KMT2C: variants seen among roughly 807,000 people sequenced by gnomAD.
KMT2C encodes lysine methyltransferase 2C.
A neutral mutation model predicts 507.9 loss-of-function variants in KMT2C; 88 were observed. That is an observed-to-expected ratio of 0.17 (90% CI 0.15 to 0.21). KMT2C has a LOEUF of 0.21. Among genes scored for constraint, KMT2C ranks in the 10% least tolerant of loss-of-function variants. The pLI is 1.00. For missense variants in KMT2C, 4,954 were observed against 5,957.8 expected (o/e 0.83, Z 5.55); for synonymous variants, 2,049 against 2,080.8 (o/e 0.98, Z 0.42).
intron 1 of KMT2C, among the ~76,000 whole-genome samples, chr7:152,429,516 A>G (rs886637863): frequency 1.3e-5 from 2 of 151,130 alleles, no homozygotes; most frequent in African/African-American, 4.9e-5. Flanking sequence ...AGATTGGTCT[A>G]TTACTTTTTT....
chr7:152,349,174 G>C (rs562573842), intron 2 of KMT2C, among the ~76,000 whole-genome samples: 1 of 152,142 alleles, frequency 6.6e-6, no homozygotes, highest in East Asian at 1.9e-4. Context: ...GGCTGGGCGC[G>C]GTGACTCACG....
intron 3 of KMT2C, among the ~76,000 whole-genome samples, chr7:152,316,912 T>C (rs1292704007): frequency 1.3e-5 from 2 of 152,166 alleles, no homozygotes; most frequent in African/African-American, 4.8e-5. Context: ...GCCAGTATCT[T>C]ACTATCCCCT....
chr7:152,251,335 A>C (rs2095559016), intron 11 of KMT2C, among the ~76,000 whole-genome samples: 1 of 152,194 alleles, frequency 6.6e-6, no homozygotes, highest in Non-Finnish European at 1.5e-5. Flanking sequence ...GGATATTTCA[A>C]AACTAAATAC....
At chr7:152,140,449 G>A (rs1199476975) in intron 55 of KMT2C, among the ~76,000 whole-genome samples, 1 of 152,206 alleles carries the variant, frequency 6.6e-6, no homozygotes, top group African/African-American at 2.4e-5. Flanking sequence ...CCGTGCTGGT[G>A]GCCTGCCAGG....
chr7:152,376,298 A>G (rs2097328454), intron 1 of KMT2C, among the ~76,000 whole-genome samples: 2 of 152,210 alleles, frequency 1.3e-5, no homozygotes, highest in Admixed American at 6.5e-5. Context: ...TAATCCTACA[A>G]TGGCCTCAAA....
chr7:152,431,526 A>T (rs2116793898), intron 1 of KMT2C, among the ~76,000 whole-genome samples: 2 of 152,036 alleles, frequency 1.3e-5, no homozygotes, highest in Admixed American at 1.3e-4. Flanking sequence ...GAATCACTTG[A>T]ACCTGGGAGG....
At chr7:152,435,273 C>T (rs1302316213) in intron 1 of KMT2C, among the ~76,000 whole-genome samples, 1 of 152,040 alleles carries the variant, frequency 6.6e-6, no homozygotes, top group Non-Finnish European at 1.5e-5. Flanking sequence ...TGGGCGCGCT[C>T]CGGGCTTGTT....
chr7:152,152,156 G>A (rs1309413738), intron 49 of KMT2C, among the ~76,000 whole-genome samples: 3 of 152,232 alleles, frequency 2.0e-5, no homozygotes, highest in Admixed American at 6.5e-5. Context: ...GACTGAGCAC[G>A]CCTGTAAGAT....
At chr7:152,224,729 A>G in intron 18 of KMT2C, 113 bp from the exon 19 acceptor site, 7 of 796,938 alleles carry the variant, frequency 8.8e-6, no homozygotes. Context: ...GAGGCAATCA[A>G]CTAACATTTA....
intron 1 of KMT2C, among the ~76,000 whole-genome samples, chr7:152,434,235 C>G (rs35581269): frequency 0.36 from 54,217 of 152,062 alleles, 9,813 homozygotes; most frequent in African/African-American, 0.39. Context: ...GTATCACGAA[C>G]AAGCTAATGT....
At position 152,181,664 on chromosome 7, in the gene KMT2C, G is replaced by T; in HGVS notation, c.6196C>A (p.Arg2066=). 1 of 1,613,948 alleles carries T rather than the reference G, an allele frequency of 6.2e-7. No homozygotes were observed. Among genetic ancestry groups the T allele is most frequent in the East Asian group, 2.2e-5 (1 of 44,872 alleles). The change falls in exon 36 of 59, where the codon CGA becomes AGA. Residue 2066 remains arginine (R), a synonymous_variant. Coordinates refer to ENST00000262189, the MANE Select transcript of KMT2C (RefSeq NM_170606.3). ...PYGSVSQASR[R]LSVDPYERPA... is the part of the protein sequence containing the mutation. ...CTTTCATAAGGGTCAACAGACAATC[G>T]CCTTGATGCCTGTGACACTGATCCA...
chr7:152,187,518 ACTTCTTAATAT>A, intron 32 of KMT2C, 42 bp from the exon 33 acceptor site: 1 of 1,541,528 alleles, frequency 6.5e-7, no homozygotes, highest in Non-Finnish European at 8.9e-7. Context: ...ACATAAAATA[ACTTCTTAATAT>A]ATGTTCAAGT....
chr7:152,258,925 A>G (rs2129170295), intron 9 of KMT2C, among the ~76,000 whole-genome samples: 1 of 152,308 alleles, frequency 6.6e-6, no homozygotes, highest in East Asian at 1.9e-4. Flanking sequence ...TTAGATACAA[A>G]GGAGGGGGAA....
rs752190553 is a variant in KMT2C at position 152,145,222 on chromosome 7, G to A, written c.14105C>T (p.Ala4702Val). The change falls in exon 54 of 59, where the codon GCC becomes GTC. Residue 4702 changes from alanine to valine, a missense_variant. Around this residue, in one of 29 missense-constraint regions of KMT2C, gnomAD observed 221 missense variants for 304.7 expected, o/e 0.73. Coordinates refer to ENST00000262189, the MANE Select transcript of KMT2C (RefSeq NM_170606.3). The stretch of plus-strand genomic sequence containing the variant: ...ACGGGCACAACCTGTGGGGTTAACG[G>A]CAAGAGGAAGTTCCATGAGAGGATT... ...GRNPLMELPL[A>V]VNPTGCARSE... The A allele has an allele frequency of 1.2e-5, 20 of 1,613,962 alleles. No homozygotes were observed. In the South Asian group the frequency reaches 2.1e-4, roughly 17 times the overall value.
Position 152,250,771 on chromosome 7 carries a change from T to G in KMT2C, c.1735+82A>C, listed in dbSNP as rs181668318. ...TAAGTGACTGCATCTTGGCTTTTAC[T>G]GAAGTTTTAGTCAATATTCACATAT... is the stretch of plus-strand genomic sequence containing the variant. On this transcript the variant is annotated intron_variant, in intron 12 of 58. Transcript: ENST00000262189. 1.3e-5 allele frequency: 10 copies of G among 766,762 alleles called. No individual in the cohort carries two copies. The African/African-American group carries it at 1.4e-4, about 11-fold the overall frequency. 47.5% of individuals were successfully genotyped at this position (766,762 alleles called of 1,614,324 possible). A position where few individuals can be genotyped will look rare whatever the true frequency, so the allele number is the denominator to read the frequency against.
Position 152,159,007 on chromosome 7 carries a change from T to C in KMT2C, c.11526A>G (p.Gly3842=). The change falls in exon 44 of 59, where the codon GGA becomes GGG. Residue 3842 remains glycine, a synonymous_variant. Transcript: ENST00000262189. ...GCGNQLPKTD[G]GSETKKQRSK... Reference sequence around the variant, plus strand: ...TTCGCTGTTTCTTGGTTTCACTTCCTCCATCTGTTTTTGGCAACTGGTTGC... The same window carrying C: ...TTCGCTGTTTCTTGGTTTCACTTCCCCCATCTGTTTTTGGCAACTGGTTGC... 6.2e-7 allele frequency: 1 copy of C among 1,614,220 alleles called. No homozygotes were observed. Among genetic ancestry groups the C allele is most frequent in the South Asian group, 1.1e-5 (1 of 91,086 alleles).
At position 152,435,618 on chromosome 7, in the gene KMT2C, C is replaced by G; in HGVS notation, c.161+8G>C. 1 of 1,493,284 alleles carries G rather than the reference C, an allele frequency of 6.7e-7. No individual in the cohort carries two copies. The highest frequency in any genetic ancestry group is 9.0e-7 in the Non-Finnish European group (1 of 1,115,546). 92.5% of individuals were successfully genotyped at this position (1,493,284 alleles called of 1,614,324 possible). ...GCTCCCGGCCTGGCTCCCTCGCACT[C>G]AACTTACTTCTTTCTGGCTCTCTGG... is the stretch of plus-strand genomic sequence containing the variant. On this transcript the variant is annotated splice_region_variant and intron_variant, in intron 1 of 58. Coordinates refer to ENST00000262189, the MANE Select transcript of KMT2C (RefSeq NM_170606.3).
intron 15 of KMT2C, among the ~76,000 whole-genome samples, chr7:152,238,195 T>A (rs2095319595): frequency 6.6e-6 from 1 of 152,312 alleles, no homozygotes; most frequent in Admixed American, 6.5e-5. Context: ...TAATACTTTT[T>A]CAAATTAATT....
intron 1 of KMT2C, among the ~76,000 whole-genome samples, chr7:152,382,076 CT>C (rs576849140): frequency 1.7e-3 from 257 of 152,338 alleles, no homozygotes; most frequent in Middle Eastern, 3.4e-3. Context: ...CATTCAAATC[CT>C]TTTTTCAACT....
Sources: allele counts gnomAD v4.1 joint callset (sites outside exome capture counted in the v4.1 genomes callset), GRCh38; gene constraint gnomAD v4.1.1; regional missense constraint gnomAD v4.1.1; transcripts MANE v1.5; gene names NCBI Gene and HGNC (gene_info 2026-07-23, HGNC 2026-07-21).